SLIT2: variants seen among roughly 807,000 people sequenced by gnomAD.
The protein encoded by SLIT2 is slit homolog 2 protein.
In SLIT2, 41 loss-of-function variants were observed where a neutral mutation model predicts 185.7. The observed-to-expected ratio is 0.22, with a 90% confidence interval of 0.17 to 0.29. The LOEUF (loss-of-function observed/expected upper bound fraction) is 0.29. Among genes scored for constraint, SLIT2 ranks in the 10% least tolerant of loss-of-function variants. The pLI is 1.00. For synonymous variants in SLIT2, 693 were observed against 680.2 expected, an observed-to-expected ratio of 1.02 and a Z score of -0.29; for missense variants, 1,571 against 1,909.0, an observed-to-expected ratio of 0.82 and a Z score of 3.30.
chr4:20,569,225 A>G (rs1474708310), intron 29 of SLIT2: 1 of 519,050 alleles, frequency 1.9e-6, no homozygotes, highest in Non-Finnish European at 3.4e-6. Context: ...TCTATTATAA[A>G]GCCATGCTAT....
intron 29 of SLIT2, among the ~76,000 whole-genome samples, chr4:20,574,113 C>G (rs1289278054): frequency 6.6e-6 from 1 of 151,806 alleles, no homozygotes. Context: ...CGCCGCCATG[C>G]TTGGCTAATT....
chr4:20,298,376 A>G (rs542731937), intron 4 of SLIT2, among the ~76,000 whole-genome samples: 16 of 152,302 alleles, frequency 1.1e-4, no homozygotes, highest in Admixed American at 4.6e-4. Context: ...GACGTGAGCC[A>G]CTGCACCCGG....
chr4:20,353,167 T>C (rs556270908), intron 4 of SLIT2, among the ~76,000 whole-genome samples: 15 of 152,186 alleles, frequency 9.9e-5, no homozygotes, highest in Non-Finnish European at 1.9e-4. Context: ...AGATTGTGTG[T>C]GCATTCATAG....
chr4:20,480,243 A>G (rs1716554020), intron 5 of SLIT2, among the ~76,000 whole-genome samples: 1 of 152,178 alleles, frequency 6.6e-6, no homozygotes, highest in South Asian at 2.1e-4. Flanking sequence ...AAAGAAGGAA[A>G]CCTAAAAGTA....
intron 4 of SLIT2, among the ~76,000 whole-genome samples, chr4:20,292,522 G>T (rs1041755489): frequency 6.6e-6 from 1 of 152,058 alleles, no homozygotes. Context: ...GCACTGAGAC[G>T]GAGAAGGAGA....
chr4:20,434,966 T>C (rs1276045392), intron 4 of SLIT2, among the ~76,000 whole-genome samples: 1 of 152,184 alleles, frequency 6.6e-6, no homozygotes, highest in Non-Finnish European at 1.5e-5. Context: ...TTCCATATTA[T>C]TCATTATTTA....
At chr4:20,541,431 A>C (rs374118588) in intron 19 of SLIT2, 22 bp from the exon 20 acceptor site, 279 of 1,611,928 alleles carry the variant, frequency 1.7e-4, no homozygotes, top group Non-Finnish European at 2.2e-4. Flanking sequence ...TAAACTGTGC[A>C]TCGTTTGCCT....
intron 4 of SLIT2, among the ~76,000 whole-genome samples, chr4:20,284,262 C>G (rs1715060632): frequency 6.6e-6 from 1 of 152,204 alleles, no homozygotes; most frequent in African/African-American, 2.4e-5. Context: ...AATGAATCCA[C>G]AAACCTCTAG....
Position 20,390,770 on chromosome 4 carries a change from TTA to T in SLIT2, c.396-76981_396-76980del, listed in dbSNP as rs1491157466. On this transcript the variant is annotated intron_variant, in intron 4 of 36. Coordinates refer to ENST00000504154, the MANE Select transcript of SLIT2 (RefSeq NM_004787.4). ...TAGAAAAAGATCTTATTTTTTTTTT[TTA>T]AAAAAAAATATATATATACTAAGAC... 5.9e-3 allele frequency among the ~76,000 whole-genome samples: 461 copies of T among 78,518 alleles called. 1 individual carries two copies. The highest frequency in any genetic ancestry group is 0.035 in the East Asian group (102 of 2,880). The allele number at this position is 78,518 out of a possible 152,430, so 51.5% of individuals were successfully genotyped here.
At chr4:20,264,921 A>G (rs575274532) in intron 3 of SLIT2, among the ~76,000 whole-genome samples, 2 of 151,914 alleles carry the variant, frequency 1.3e-5, no homozygotes, top group South Asian at 2.1e-4. Flanking sequence ...CATGACTTAT[A>G]TATCACTATA....
At chr4:20,399,043 G>A (rs778651179) in intron 4 of SLIT2, among the ~76,000 whole-genome samples, 7 of 151,620 alleles carry the variant, frequency 4.6e-5, no homozygotes, top group African/African-American at 9.7e-5. Flanking sequence ...TGATACAAGC[G>A]TACTTTGTGG....
rs1338782265 is a variant in SLIT2 at position 20,570,737 on chromosome 4, A to ATATATATATATATG, written c.3088+1746_3088+1747insGTATATATATATAT. On this transcript the variant is annotated intron_variant, in intron 29 of 36. Transcript: ENST00000504154. ...AATATATATATATATATATGTATAT[A>ATATATATATATATG]TATATATATATATATATATATATAT... 1.5e-3 allele frequency among the ~76,000 whole-genome samples: 113 copies of ATATATATATATATG among 77,276 alleles called. 1 individual carries two copies. The highest frequency in any genetic ancestry group is 2.3e-3 in the Non-Finnish European group (100 of 44,108). 50.7% of individuals were successfully genotyped at this position (77,276 alleles called of 152,430 possible).
chr4:20,452,016 A>G (rs1267873783), intron 4 of SLIT2, among the ~76,000 whole-genome samples: 1 of 152,240 alleles, frequency 6.6e-6, no homozygotes, highest in Non-Finnish European at 1.5e-5. Context: ...TCTCATTGAA[A>G]TCATATGATC....
chr4:20,388,092 A>G (rs781466797), intron 4 of SLIT2, among the ~76,000 whole-genome samples: 29 of 152,340 alleles, frequency 1.9e-4, no homozygotes, highest in Admixed American at 1.1e-3. Context: ...CCAAAAACTG[A>G]TAATATGACA....
intron 4 of SLIT2, among the ~76,000 whole-genome samples, chr4:20,460,651 G>A (rs1041200588): frequency 1.3e-5 from 2 of 152,092 alleles, no homozygotes; most frequent in Admixed American, 6.5e-5. Context: ...TGCCCCAGCC[G>A]CTGGTAGGCA....
At chr4:20,543,085 A>G (rs1287936937) in intron 21 of SLIT2, among the ~76,000 whole-genome samples, 1 of 150,416 alleles carries the variant, frequency 6.6e-6, no homozygotes, top group African/African-American at 2.4e-5. Flanking sequence ...TTTTTTTTTT[A>G]CCTCTGTGAC....
Position 20,549,096 on chromosome 4 carries a change from C to A in SLIT2, c.2457C>A (p.Arg819=). Residue 819 remains arginine, a synonymous_variant, in exon 24 of 37, where the codon CGC becomes CGA. Coordinates refer to ENST00000504154, the MANE Select transcript of SLIT2 (RefSeq NM_004787.4). ...SYNRLRCIPP[R]TFDGLKSLRL... ...ACCGTCTGAGATGTATTCCTCCTCG[C>A]ACCTTTGATGGATTAAAGTCTCTTC... 1.9e-6 allele frequency: 3 copies of A among 1,598,602 alleles called. No individual in the cohort carries two copies. The highest frequency in any genetic ancestry group is 2.6e-6 in the Non-Finnish European group (3 of 1,166,360).
At chr4:20,286,721 G>A (rs879486575) in intron 4 of SLIT2, among the ~76,000 whole-genome samples, 8 of 152,156 alleles carry the variant, frequency 5.3e-5, no homozygotes, top group Non-Finnish European at 8.8e-5. Context: ...AGAATCGCTT[G>A]AACCTGGGAG....
Position 20,254,134 on chromosome 4 carries a change from C to G in SLIT2, c.179+140C>G, listed in dbSNP as rs1322452475. 2 of 871,440 alleles carry G rather than the reference C, an allele frequency of 2.3e-6. No homozygotes were observed. The highest frequency in any genetic ancestry group is 3.4e-5 in the African/African-American group (2 of 59,094). 54.0% of individuals were successfully genotyped at this position (871,440 alleles called of 1,614,324 possible). On this transcript the variant is annotated intron_variant, in intron 1 of 36. Transcript: ENST00000504154. The surrounding 1 kb of genome is among the most constrained non-coding windows in gnomAD (Gnocchi z 5.1). Reference sequence around the variant, plus strand: ...CCCCCATGCACATCCTGGGGTTGAGCTCTCCGGGAGGGCACTGGCCAGGGA... The same window carrying G: ...CCCCCATGCACATCCTGGGGTTGAGGTCTCCGGGAGGGCACTGGCCAGGGA...
Sources: gnomAD v4.1 joint callset for allele counts (sites outside exome capture counted in the v4.1 genomes callset) on GRCh38, gnomAD v4.1.1 for gene constraint, Gnocchi (gnomAD v3.1) non-coding constraint, MANE v1.5 for transcripts, NCBI Gene and HGNC (gene_info 2026-07-23, HGNC 2026-07-21) for gene names.